The following SCNN1G variants were observed in gnomAD, a reference collection of about 807,000 sequenced individuals.
SCNN1G encodes sodium channel epithelial 1 subunit gamma.
SCNN1G carries 27 observed loss-of-function variants against 64.6 expected under a neutral mutation model. That is an observed-to-expected ratio of 0.42 (90% CI 0.31 to 0.58). SCNN1G has a LOEUF of 0.58. Ranked by LOEUF, SCNN1G falls within the 20% of genes least tolerant of loss-of-function variation. The pLI is 0.18. For synonymous variants in SCNN1G, 330 were observed against 314.2 expected (o/e 1.05, Z -0.53); for missense variants, 743 against 823.4 (o/e 0.90, Z 1.19).
chr16:23,195,669 G>A (rs555390942), intron 5 of SCNN1G, among the ~76,000 whole-genome samples: 2 of 152,304 alleles, frequency 1.3e-5, no homozygotes, highest in African/African-American at 4.8e-5. Flanking sequence ...TGGAGGGGCT[G>A]TGTGACCTCA....
At chr16:23,188,014 C>T (rs948166092) in intron 2 of SCNN1G, among the ~76,000 whole-genome samples, 5 of 152,146 alleles carry the variant, frequency 3.3e-5, no homozygotes, top group Admixed American at 2.0e-4. Flanking sequence ...TTCTCCCTCC[C>T]TCCTTCTCTC....
chr16:23,212,251 G>A lies in SCNN1G; in HGVS notation c.1294+100G>A, dbSNP rs72647522. 0.021 allele frequency: 16,680 copies of A among 795,742 alleles called. 230 individuals are homozygous for A. The highest frequency in any genetic ancestry group is 0.027 in the Non-Finnish European group (12,159 of 445,436). 49.3% of individuals were successfully genotyped at this position (795,742 alleles called of 1,614,324 possible). ...GGACTCCACCCCTGTTGCCTTTTGC[G>A]TGAGGGAGGTATTGGTTGAGAGCCA... is the stretch of plus-strand genomic sequence containing the variant. On this transcript the variant is annotated intron_variant, in intron 8 of 12. Coordinates refer to ENST00000300061, the MANE Select transcript of SCNN1G (RefSeq NM_001039.4).
At position 23,212,017 on chromosome 16, in the gene SCNN1G, T is replaced by C. The variant is rs1347680305; in HGVS notation, c.1177-17T>C. ...TGAGCAAAGACATGAATGGCATTCCTGGGTCTCCTCTTTCAGATCTGCCTT... is the reference window on the plus strand; with the variant it reads ...TGAGCAAAGACATGAATGGCATTCCCGGGTCTCCTCTTTCAGATCTGCCTT... On this transcript the variant is annotated splice_polypyrimidine_tract_variant and intron_variant, in intron 7 of 12. Transcript: ENST00000300061. 6.5e-7 allele frequency: 1 copy of C among 1,548,180 alleles called. No homozygotes were observed.
At chr16:23,210,609 T>G (rs1349169838) in intron 7 of SCNN1G, among the ~76,000 whole-genome samples, 1 of 152,116 alleles carries the variant, frequency 6.6e-6, no homozygotes, top group Non-Finnish European at 1.5e-5. Flanking sequence ...ATAGTTCACC[T>G]CCTACCAGGA....
chr16:23,211,147 C>T (rs1018436603), intron 7 of SCNN1G, among the ~76,000 whole-genome samples: 7 of 152,226 alleles, frequency 4.6e-5, no homozygotes, highest in Non-Finnish European at 1.5e-5. Flanking sequence ...ATGCTCACAA[C>T]TTCATGAAGT....
At position 23,213,289 on chromosome 16, in the gene SCNN1G, G is replaced by A. The variant is rs569886977; in HGVS notation, c.1493+126G>A. The stretch of plus-strand genomic sequence containing the variant: ...TTTTTTTTTTATGGAGTCTTACTCT[G>A]TCACCCAGGCTGGAGTGCAGTGGTG... On this transcript the variant is annotated intron_variant, in intron 11 of 12. Coordinates refer to ENST00000300061, the MANE Select transcript of SCNN1G (RefSeq NM_001039.4). 4 of 680,260 alleles carry A rather than the reference G, an allele frequency of 5.9e-6. No individual in the cohort carries two copies. In the East Asian group the frequency reaches 8.3e-5, roughly 14 times the overall value. 42.1% of individuals were successfully genotyped at this position (680,260 alleles called of 1,614,324 possible).
chr16:23,201,456 G>A (rs539436253), intron 6 of SCNN1G, among the ~76,000 whole-genome samples: 1 of 152,074 alleles, frequency 6.6e-6, no homozygotes, highest in African/African-American at 2.4e-5. Context: ...CCTAATTTAA[G>A]ATGTAGAAAA....
intron 5 of SCNN1G, among the ~76,000 whole-genome samples, 155 bp downstream of exon 5, chr16:23,194,429 AGT>A (rs1567264304): frequency 6.6e-6 from 1 of 152,194 alleles, no homozygotes; most frequent in Non-Finnish European, 1.5e-5. Context: ...TGTTTCCATC[AGT>A]GTTCATGCTG....
At chr16:23,205,366 G>A (rs1567267474) in intron 6 of SCNN1G, among the ~76,000 whole-genome samples, 1 of 151,958 alleles carries the variant, frequency 6.6e-6, no homozygotes, top group South Asian at 2.1e-4. Flanking sequence ...TCATGGGAGG[G>A]GCCCTGAGAC....
rs144750483 is a variant in SCNN1G at position 23,213,877 on chromosome 16, T to G, written c.1493+714T>G. Among the ~76,000 whole-genome samples the G allele has an allele frequency of 1.3e-3, 200 of 152,314 alleles. 1 individual carries two copies. The highest frequency in any genetic ancestry group is 4.2e-3 in the African/African-American group (174 of 41,570). Reference sequence around the variant, plus strand: ...AGCAATTGCAAACCATTAAACCAAGTGTTGCAAGCTGGTGACTGATCCTTG... The same window carrying G: ...AGCAATTGCAAACCATTAAACCAAGGGTTGCAAGCTGGTGACTGATCCTTG... On this transcript the variant is annotated intron_variant, in intron 11 of 12. Transcript: ENST00000300061.
intron 6 of SCNN1G, among the ~76,000 whole-genome samples, chr16:23,206,878 CTT>C (rs2141941405): frequency 6.6e-6 from 1 of 152,252 alleles, no homozygotes; most frequent in South Asian, 2.1e-4. Flanking sequence ...TATACACACT[CTT>C]TTTTGTGTGT....
chr16:23,213,185 C>T (rs1363681496), intron 11 of SCNN1G, 22 bp downstream of exon 11: 4 of 1,585,732 alleles, frequency 2.5e-6, no homozygotes, highest in Non-Finnish European at 3.5e-6. Flanking sequence ...CTACCCTGTT[C>T]CTCTGTCTCT....
chr16:23,211,757 A>T (rs1427605080), intron 7 of SCNN1G, among the ~76,000 whole-genome samples: 2 of 152,224 alleles, frequency 1.3e-5, no homozygotes, highest in East Asian at 3.8e-4. Flanking sequence ...GGTTGCAGTG[A>T]GCTGAGATCA....
Position 23,211,283 on chromosome 16 carries a change from C to T in SCNN1G, c.1177-751C>T, listed in dbSNP as rs145284733. On this transcript the variant is annotated intron_variant, in intron 7 of 12. Transcript: ENST00000300061. ...CTGCCTTCAGGAACTCTGCCATTAG[C>T]TTTTATGCTATAAGCTCCATGGATA... Among the ~76,000 whole-genome samples, 543 of 152,312 alleles carry T rather than the reference C, an allele frequency of 3.6e-3. 1 individual carries two copies. The highest frequency in any genetic ancestry group is 0.012 in the African/African-American group (507 of 41,566).
In SCNN1G at chr16:23,202,432, A is replaced by G. The variant is rs958960953; in HGVS notation, c.1077+5005A>G. Among the ~76,000 whole-genome samples, 10 of 152,248 alleles carry G rather than the reference A, an allele frequency of 6.6e-5. No individual in the cohort carries two copies. In the South Asian group the frequency reaches 1.2e-3, roughly 19 times the overall value. On this transcript the variant is annotated intron_variant, in intron 6 of 12. Coordinates refer to ENST00000300061, the MANE Select transcript of SCNN1G (RefSeq NM_001039.4). ...GATGCCCAGACAGAAGCTACTGGAG[A>G]AGGCTTTCTAAATAATGGATTTAGA... is the stretch of plus-strand genomic sequence containing the variant.
At chr16:23,204,330 T>TAGAG (rs1475386474) in intron 6 of SCNN1G, among the ~76,000 whole-genome samples, 23 of 34,470 alleles carry the variant, frequency 6.7e-4, no homozygotes, top group Non-Finnish European at 9.9e-4. Flanking sequence ...TATATATATA[T>TAGAG]ATATAGAGAG....
chr16:23,198,965 G>A (rs1959841701), intron 6 of SCNN1G, among the ~76,000 whole-genome samples: 1 of 152,082 alleles, frequency 6.6e-6, no homozygotes, highest in South Asian at 2.1e-4. Flanking sequence ...GAGTGGGGAG[G>A]AGTGCTTGAG....
At chr16:23,201,763 A>T (rs967710602) in intron 6 of SCNN1G, among the ~76,000 whole-genome samples, 4 of 152,208 alleles carry the variant, frequency 2.6e-5, no homozygotes, top group African/African-American at 7.2e-5. Flanking sequence ...GGTGAACCCA[A>T]CAGAGCTCCT....
chr16:23,195,793 GTTTGCAATTGTTTACCAATTC>G (rs1192031128), intron 5 of SCNN1G: 4 of 151,944 alleles, frequency 2.6e-5, no homozygotes, highest in African/African-American at 9.7e-5. Flanking sequence ...TTTACAAATC[GTTTGCAATTGTTTACCAATTC>G]TTTGCAATTG....
Sources: gnomAD v4.1 joint callset for allele counts (sites outside exome capture counted in the v4.1 genomes callset) on GRCh38, gnomAD v4.1.1 for gene constraint, MANE v1.5 for transcripts, NCBI Gene and HGNC (gene_info 2026-07-23, HGNC 2026-07-21) for gene names.